GALNTL6: variants seen among roughly 807,000 people sequenced by gnomAD.
GALNTL6 encodes polypeptide N-acetylgalactosaminyltransferase like 6.
A neutral mutation model predicts 73.7 loss-of-function variants in GALNTL6; 46 were observed. That is an observed-to-expected ratio of 0.62 (90% confidence interval 0.49 to 0.80). The LOEUF (loss-of-function observed/expected upper bound fraction) is 0.80. GALNTL6 is among the 30% of genes least tolerant of loss of function. The pLI is 0.00. For synonymous variants in GALNTL6, 259 were observed against 263.7 expected (o/e 0.98, Z 0.17); for missense variants, 604 against 755.0 (o/e 0.80, Z 2.34).
At chr4:172,458,120 A>C (rs1393318837) in intron 5 of GALNTL6, among the ~76,000 whole-genome samples, 1 of 152,094 alleles carries the variant, frequency 6.6e-6, no homozygotes, top group African/African-American at 2.4e-5. Context: ...CTGAATGACT[A>C]CTGGGTAAAT....
intron 2 of GALNTL6, among the ~76,000 whole-genome samples, chr4:172,063,140 C>T (rs1304483869): frequency 6.6e-6 from 1 of 152,182 alleles, no homozygotes; most frequent in African/African-American, 2.4e-5. Flanking sequence ...GTGCCTTCCA[C>T]CCTTGGAAAG....
chr4:172,707,567 C>A (rs1163114706), intron 5 of GALNTL6, among the ~76,000 whole-genome samples: 1 of 152,290 alleles, frequency 6.6e-6, no homozygotes, highest in East Asian at 1.9e-4. Flanking sequence ...ATGTCCACTT[C>A]CAAAACCTCT....
At chr4:172,903,585 TTTTA>T (rs1164050783) in intron 8 of GALNTL6, among the ~76,000 whole-genome samples, 1 of 152,190 alleles carries the variant, frequency 6.6e-6, no homozygotes, top group Non-Finnish European at 1.5e-5. Flanking sequence ...TGTACATTTA[TTTTA>T]TTTACCAGTC....
intron 3 of GALNTL6, among the ~76,000 whole-genome samples, chr4:172,303,854 C>A (rs1297526769): frequency 6.6e-6 from 1 of 152,114 alleles, no homozygotes; most frequent in African/African-American, 2.4e-5. Flanking sequence ...CCTGCCCCTG[C>A]CCAAGAATGA....
intron 10 of GALNTL6, among the ~76,000 whole-genome samples, chr4:172,966,581 G>C (rs2126394743): frequency 6.6e-6 from 1 of 152,200 alleles, no homozygotes; most frequent in East Asian, 1.9e-4. Flanking sequence ...TTTTAGTAGA[G>C]ACGGAGTTTC....
At chr4:172,234,548 G>GT (rs927623743) in intron 3 of GALNTL6, among the ~76,000 whole-genome samples, 21 of 152,042 alleles carry the variant, frequency 1.4e-4, no homozygotes, top group Non-Finnish European at 2.9e-4. Context: ...TTTATTAAAA[G>GT]TTTTTTGTTC....
chr4:172,747,167 A>T (rs1737159083), intron 5 of GALNTL6, among the ~76,000 whole-genome samples: 1 of 152,168 alleles, frequency 6.6e-6, no homozygotes, highest in Admixed American at 6.5e-5. Flanking sequence ...CAAAAACGAG[A>T]TAGGATTGCC....
At chr4:172,631,623 C>T (rs1739400358) in intron 5 of GALNTL6, among the ~76,000 whole-genome samples, 1 of 152,196 alleles carries the variant, frequency 6.6e-6, no homozygotes, top group East Asian at 1.9e-4. Context: ...CCATTTCAAT[C>T]ATCAAAGTAA....
chr4:172,522,974 T>A (rs1394583261), intron 5 of GALNTL6, among the ~76,000 whole-genome samples: 3 of 152,162 alleles, frequency 2.0e-5, no homozygotes, highest in Non-Finnish European at 4.4e-5. Flanking sequence ...AGCCAATTCC[T>A]GTCTTCCATC....
At chr4:172,057,719 A>ATATATATATATATAT (rs1252812384) in intron 2 of GALNTL6, among the ~76,000 whole-genome samples, 1 of 61,132 alleles carries the variant, frequency 1.6e-5, no homozygotes, top group Non-Finnish European at 3.3e-5. Context: ...AAAAAAAAAA[A>ATATATATATATATAT]AAAAAAAAAT....
intron 8 of GALNTL6, among the ~76,000 whole-genome samples, chr4:172,906,988 T>C (rs1388259017): frequency 6.6e-6 from 1 of 152,210 alleles, no homozygotes; most frequent in Non-Finnish European, 1.5e-5. Context: ...ATCCATCATA[T>C]TCACAGTCCT....
chr4:172,958,351 G>T (rs1268427465), intron 10 of GALNTL6, among the ~76,000 whole-genome samples: 1 of 152,180 alleles, frequency 6.6e-6, no homozygotes, highest in East Asian at 1.9e-4. Flanking sequence ...GCACAGCCCT[G>T]CACTTTGGCT....
At chr4:172,446,742 G>A (rs1732034950) in intron 5 of GALNTL6, among the ~76,000 whole-genome samples, 1 of 152,106 alleles carries the variant, frequency 6.6e-6, no homozygotes, top group Admixed American at 6.6e-5. Context: ...CTTGCTCTCT[G>A]AAGTGGAGAG....
At position 171,991,976 on chromosome 4, in the gene GALNTL6, A is replaced by G. The variant is rs1406502145; in HGVS notation, c.138+177258A>G. On this transcript the variant is annotated intron_variant, in intron 2 of 12. Coordinates refer to ENST00000506823, the MANE Select transcript of GALNTL6 (RefSeq NM_001034845.3). ...TACAAGACCAGCTCTTGAGTAGACCATGAAGTGTAACTAATCAACAATTAT... is the reference window on the plus strand; with the variant it reads ...TACAAGACCAGCTCTTGAGTAGACCGTGAAGTGTAACTAATCAACAATTAT... Among the ~76,000 whole-genome samples, 6 of 152,034 alleles carry G rather than the reference A, an allele frequency of 3.9e-5. No homozygotes were observed. In the East Asian group the frequency reaches 9.7e-4, roughly 25 times the overall value.
At chr4:172,692,258 GA>G (rs1375403209) in intron 5 of GALNTL6, among the ~76,000 whole-genome samples, 1 of 151,930 alleles carries the variant, frequency 6.6e-6, no homozygotes, top group Non-Finnish European at 1.5e-5. Context: ...ACAATTGTGT[GA>G]CATTTTGACT....
intron 7 of GALNTL6, among the ~76,000 whole-genome samples, chr4:172,859,563 G>C (rs966140824): frequency 3.3e-5 from 5 of 151,954 alleles, no homozygotes; most frequent in Admixed American, 6.6e-5. Context: ...GTAAATGATA[G>C]AATGCAAAAA....
chr4:172,156,540 A>ATAT (rs58197299), intron 2 of GALNTL6, among the ~76,000 whole-genome samples: 4 of 125,186 alleles, frequency 3.2e-5, no homozygotes, highest in African/African-American at 1.4e-4. Flanking sequence ...ATATATATAT[A>ATAT]ATATATATAT....
intron 4 of GALNTL6, among the ~76,000 whole-genome samples, chr4:172,320,267 T>C (rs1740712093): frequency 6.6e-6 from 1 of 152,010 alleles, no homozygotes; most frequent in South Asian, 2.1e-4. Flanking sequence ...AGCAGAGAGG[T>C]TCTCAGGCTA....
At chr4:172,019,615 A>T (rs755522745) in intron 2 of GALNTL6, among the ~76,000 whole-genome samples, 1 of 152,158 alleles carries the variant, frequency 6.6e-6, no homozygotes. Flanking sequence ...CAGCAAGAGG[A>T]TATAACAATT....
Sources: gnomAD v4.1 joint callset for allele counts (sites outside exome capture counted in the v4.1 genomes callset) on GRCh38, gnomAD v4.1.1 for gene constraint, MANE v1.5 for transcripts, NCBI Gene and HGNC (gene_info 2026-07-23, HGNC 2026-07-21) for gene names.